The following OR3A3 variants were observed in gnomAD, a reference collection of about 807,000 sequenced individuals.
The protein encoded by OR3A3 is olfactory receptor 3A3.
For synonymous variants in OR3A3, 103 were observed against 163.9 expected (o/e 0.63, Z 2.84); for missense variants, 275 against 391.4 (o/e 0.70, Z 2.51).
exon 3 of OR3A3, chr17:3,423,266 C>T (rs981108113): frequency 6.6e-6 from 1 of 152,308 alleles, no homozygotes; most frequent in Non-Finnish European, 1.5e-5. Context: ...GGTCTGAACA[C>T]ATCACAAACA....
intron 2 of OR3A3, among the ~76,000 whole-genome samples, chr17:3,414,293 G>T (rs1430632767): frequency 3.9e-5 from 6 of 152,116 alleles, no homozygotes; most frequent in Non-Finnish European, 8.8e-5. Context: ...GGATGGTCTC[G>T]ATCTCCTGAC....
At position 3,423,575 on chromosome 17, in the gene OR3A3, A is replaced by G. The variant is rs897279803; in HGVS notation, c.*2042A>G. On this transcript the variant is annotated 3_prime_UTR_variant, in exon 3 of 3. Coordinates refer to ENST00000641141, the Ensembl canonical transcript of OR3A3. ...CATTCAGAAAATATTATTCTTTCAA[A>G]TGGGAAATAAAAATCCAATTATTCC... 10 of 152,330 alleles carry G rather than the reference A, an allele frequency of 6.6e-5. No individual in the cohort carries two copies. In the East Asian group the frequency reaches 1.7e-3, roughly 26 times the overall value. The allele number at this position is 152,330 out of a possible 1,614,324, so 9.4% of individuals were successfully genotyped here.
At chr17:3,415,537 G>A (rs2072385104) in intron 2 of OR3A3, among the ~76,000 whole-genome samples, 1 of 146,400 alleles carries the variant, frequency 6.8e-6, no homozygotes, top group Non-Finnish European at 1.5e-5. Flanking sequence ...CTCCAGCCTG[G>A]GTGACAAAAG....
chr17:3,416,877 T>C (rs2072395186), intron 2 of OR3A3, among the ~76,000 whole-genome samples: 1 of 152,114 alleles, frequency 6.6e-6, no homozygotes. Flanking sequence ...CAATAAATTA[T>C]TGTTAACTAT....
intron 2 of OR3A3, among the ~76,000 whole-genome samples, chr17:3,413,425 T>C (rs546028317): frequency 8.5e-5 from 13 of 152,334 alleles, no homozygotes; most frequent in African/African-American, 2.6e-4. Flanking sequence ...ACCCACTGAT[T>C]TGCCAATTTG....
chr17:3,420,483 C>G, intron 2 of OR3A3, 97 bp from the exon 3 acceptor site: 1 of 1,545,406 alleles, frequency 6.5e-7, no homozygotes, highest in Non-Finnish European at 8.7e-7. Context: ...GAGGGATGGC[C>G]TGGGGACTCG....
chr17:3,417,243 T>G (rs2072397860), intron 2 of OR3A3, among the ~76,000 whole-genome samples: 1 of 152,126 alleles, frequency 6.6e-6, no homozygotes, highest in African/African-American at 2.4e-5. Flanking sequence ...TTTCTTAAAT[T>G]TCTTTTGTTT....
In OR3A3 at chr17:3,417,036, A is replaced by G. The variant is rs145429629; in HGVS notation, c.-6-3544A>G. ...TTCTATTCTCTACTAGAATTTTTCA[A>G]TTTTCTATTGGGCTATGTTTATTTT... On this transcript the variant is annotated intron_variant, in intron 2 of 2. Transcript: ENST00000641141. Among the ~76,000 whole-genome samples, 1,073 of 151,752 alleles carry G rather than the reference A, an allele frequency of 7.1e-3. 10 individuals are homozygous for G. The highest frequency in any genetic ancestry group is 0.011 in the Non-Finnish European group (769 of 67,864).
At position 3,417,337 on chromosome 17, in the gene OR3A3, A is replaced by G. The variant is rs915710943; in HGVS notation, c.-6-3243A>G. On this transcript the variant is annotated intron_variant, in intron 2 of 2. Coordinates refer to ENST00000641141, the Ensembl canonical transcript of OR3A3. ...ACATGAACATATCTTTTGACTTACA[A>G]TTGTAAGACAACTAAGGAAGTCAGC... 6.6e-5 allele frequency among the ~76,000 whole-genome samples: 10 copies of G among 152,260 alleles called. No individual in the cohort carries two copies. The South Asian group carries it at 1.5e-3, about 22-fold the overall frequency.
intron 2 of OR3A3, among the ~76,000 whole-genome samples, chr17:3,413,873 A>G (rs556343461): frequency 4.6e-4 from 70 of 151,876 alleles, no homozygotes; most frequent in African/African-American, 1.5e-3. Flanking sequence ...AGGACCTCTT[A>G]GAGATTACCG....
At chr17:3,412,968 GCTCT>G (rs1287296751) in intron 2 of OR3A3, among the ~76,000 whole-genome samples, 1 of 152,170 alleles carries the variant, frequency 6.6e-6, no homozygotes, top group Non-Finnish European at 1.5e-5. Context: ...TTATACTGAT[GCTCT>G]CTTTCTCTGA....
At chr17:3,415,838 ATTATTT>A (rs1323369772) in intron 2 of OR3A3, among the ~76,000 whole-genome samples, 22 of 133,270 alleles carry the variant, frequency 1.7e-4, no homozygotes, top group Non-Finnish European at 4.7e-5. Flanking sequence ...TATTATTATT[ATTATTT>A]GAGACCCAGG....
rs1272913634 is a variant in OR3A3 at position 3,415,296 on chromosome 17, C to T, written c.-7+3125C>T. ...AGTTTTCCAGCTGGGCTCGGTGGCTCACACGTGTAATCCCAGCACTTTGGG... is the reference window on the plus strand; with the variant it reads ...AGTTTTCCAGCTGGGCTCGGTGGCTTACACGTGTAATCCCAGCACTTTGGG... On this transcript the variant is annotated intron_variant, in intron 2 of 2. Transcript: ENST00000641141. Among the ~76,000 whole-genome samples the T allele has an allele frequency of 3.3e-5, 5 of 151,796 alleles. No homozygotes were observed. In the South Asian group the frequency reaches 8.3e-4, roughly 25 times the overall value.
At chr17:3,420,526 G>A (rs2735570) in intron 2 of OR3A3, 54 bp from the exon 3 acceptor site, 98 of 1,580,058 alleles carry the variant, frequency 6.2e-5, no homozygotes, top group African/African-American at 2.3e-4. Flanking sequence ...GGTTTAAAAT[G>A]TTAATGTGAA....
At chr17:3,414,138 T>C (rs2931817) in intron 2 of OR3A3, among the ~76,000 whole-genome samples, 152,217 of 152,220 alleles carry the variant, frequency 1, 76,107 homozygotes, top group Middle Eastern at 1. Context: ...GTGGCGCAAT[T>C]TCAGCTCACT....
exon 3 of OR3A3, chr17:3,421,578 C>T (rs2072436048): frequency 6.6e-7 from 1 of 1,513,656 alleles, no homozygotes; most frequent in Non-Finnish European, 8.8e-7. Context: ...GGAAAATTTC[C>T]CGAGAAGATA....
At chr17:3,420,151 C>T (rs2072420875) in intron 2 of OR3A3, among the ~76,000 whole-genome samples, 1 of 151,926 alleles carries the variant, frequency 6.6e-6, no homozygotes, top group Admixed American at 6.6e-5. Flanking sequence ...ATTTAAGGTT[C>T]ACCACATGAA....
exon 3 of OR3A3, chr17:3,423,968 A>G (rs1187937501): frequency 6.6e-6 from 1 of 151,850 alleles, no homozygotes; most frequent in Non-Finnish European, 1.5e-5. Context: ...AAAAAAAAAA[A>G]AAGAACTTGG....
chr17:3,415,825 T>A (rs1323553226), intron 2 of OR3A3, among the ~76,000 whole-genome samples: 14 of 146,846 alleles, frequency 9.5e-5, no homozygotes, highest in African/African-American at 2.0e-4. Flanking sequence ...TTATTATTAT[T>A]ATTATTATTA....
Sources: allele counts gnomAD v4.1 joint callset (sites outside exome capture counted in the v4.1 genomes callset), GRCh38; gene constraint gnomAD v4.1.1; transcripts MANE v1.5; gene names NCBI Gene and HGNC (gene_info 2026-07-23, HGNC 2026-07-21).